The following LIPC variants were observed in gnomAD, a reference collection of about 807,000 sequenced individuals.
The protein encoded by LIPC is lipase C, hepatic type, also known as hepatic triacylglycerol lipase.
A neutral mutation model predicts 50.7 loss-of-function variants in LIPC; 44 were observed. The observed-to-expected ratio is 0.87, with a 90% confidence interval of 0.68 to 1.11. LIPC has a LOEUF of 1.11. Among genes scored for constraint, LIPC ranks in the 50% most tolerant of loss-of-function variants. The probability of loss-of-function intolerance (pLI) is 0.00; values close to 1 mark genes in which losing one functional copy is unlikely to be tolerated. For synonymous variants in LIPC, 271 were observed against 256.4 expected (o/e 1.06, Z -0.54); for missense variants, 697 against 648.2 (o/e 1.08, Z -0.82).
chr15:58,490,307 T>C (rs998281194), intron 1 of LIPC, among the ~76,000 whole-genome samples: 1 of 152,152 alleles, frequency 6.6e-6, no homozygotes, highest in Non-Finnish European at 1.5e-5. Context: ...GTCACCTCCA[T>C]AAGGACAGCC....
intron 1 of LIPC, among the ~76,000 whole-genome samples, chr15:58,479,540 C>G (rs1439463025): frequency 1.3e-5 from 2 of 152,214 alleles, no homozygotes; most frequent in Non-Finnish European, 2.9e-5. Flanking sequence ...TAAAAATAAT[C>G]AACTGGATTC....
chr15:58,435,427 G>A (rs1277306941), intron 1 of LIPC: 2 of 152,056 alleles, frequency 1.3e-5, no homozygotes, highest in African/African-American at 2.4e-5. Context: ...CTGTACAACA[G>A]GGGGCTGCAC....
intron 1 of LIPC, among the ~76,000 whole-genome samples, chr15:58,502,805 T>A (rs1200394009): frequency 6.6e-6 from 1 of 152,082 alleles, no homozygotes. Flanking sequence ...AAAGAGCAAT[T>A]TTTAGGGCAC....
At chr15:58,512,128 CA>C (rs1892348767) in intron 1 of LIPC, among the ~76,000 whole-genome samples, 1 of 149,532 alleles carries the variant, frequency 6.7e-6, no homozygotes, top group Non-Finnish European at 1.5e-5. Context: ...GACGGAGTCT[CA>C]ATCTGTTGCC....
At chr15:58,538,557 C>G in intron 2 of LIPC, 40 bp downstream of exon 2, 1 of 1,593,838 alleles carries the variant, frequency 6.3e-7, no homozygotes, top group Non-Finnish European at 8.6e-7. Context: ...TCCGATTTCA[C>G]ATTTTCTTTT....
chr15:58,442,290 T>C (rs261339), intron 1 of LIPC, among the ~76,000 whole-genome samples: 111,224 of 152,038 alleles, frequency 0.73, 42,731 homozygotes, highest in Non-Finnish European at 0.88. Context: ...GAAGCAAAGT[T>C]CTATCCATTT....
chr15:58,468,694 G>A (rs1268016584), intron 1 of LIPC, among the ~76,000 whole-genome samples: 2 of 151,900 alleles, frequency 1.3e-5, no homozygotes, highest in East Asian at 3.9e-4. Context: ...ATCATCTAGG[G>A]AACTTATAAC....
At chr15:58,462,639 CAAA>C (rs1894393609) in intron 1 of LIPC, among the ~76,000 whole-genome samples, 1 of 152,168 alleles carries the variant, frequency 6.6e-6, no homozygotes, top group Admixed American at 6.5e-5. Flanking sequence ...TGAGAGGAAC[CAAA>C]GCCAGCACCT....
At chr15:58,543,551 G>T (rs1566945364) in intron 4 of LIPC, among the ~76,000 whole-genome samples, 2 of 152,064 alleles carry the variant, frequency 1.3e-5, no homozygotes, top group Non-Finnish European at 2.9e-5. Context: ...GACCCAGCAG[G>T]CTCAAACAAT....
intron 4 of LIPC, among the ~76,000 whole-genome samples, chr15:58,542,939 G>T (rs1416444342): frequency 1.3e-5 from 2 of 152,226 alleles, no homozygotes; most frequent in Non-Finnish European, 2.9e-5. Flanking sequence ...TAGCAAGAAA[G>T]AGTCTTATTT....
chr15:58,562,784 C>T (rs1189114777), intron 7 of LIPC, among the ~76,000 whole-genome samples: 1 of 149,956 alleles, frequency 6.7e-6, no homozygotes, highest in Non-Finnish European at 1.5e-5. Context: ...TCGGGAAGAG[C>T]TATGCCAAGC....
chr15:58,478,472 C>G (rs1434355275), intron 1 of LIPC, among the ~76,000 whole-genome samples: 5 of 152,120 alleles, frequency 3.3e-5, no homozygotes, highest in Non-Finnish European at 7.3e-5. Flanking sequence ...CTCCTGACCT[C>G]AAGTGATCCA....
chr15:58,557,402 T>TTTTG lies in LIPC; in HGVS notation c.1052-3462_1052-3461insTTTG, dbSNP rs796425195. 3.4e-4 allele frequency among the ~76,000 whole-genome samples: 49 copies of TTTTG among 142,370 alleles called. 2 individuals carry two copies. The highest frequency in any genetic ancestry group is 1.2e-3 in the African/African-American group (43 of 37,060). 93.4% of individuals were successfully genotyped at this position (142,370 alleles called of 152,430 possible). A position where few individuals can be genotyped will look rare whatever the true frequency, so the allele number is the denominator to read the frequency against. On this transcript the variant is annotated intron_variant, in intron 6 of 8. Coordinates refer to ENST00000299022, the MANE Select transcript of LIPC (RefSeq NM_000236.3). ...CTCTTTTTTTTTTTTTTTTTTTTTT[T>TTTTG]GAGATGTAGTCTTGCTCTGTCACCC...
chr15:58,494,922 GTCCC>G, intron 1 of LIPC: 1 of 455,014 alleles, frequency 2.2e-6, no homozygotes, highest in South Asian at 1.6e-5. Context: ...TATTAGTCCA[GTCCC>G]TCACTGGGCT....
At chr15:58,438,676 G>A (rs1331438516) in intron 1 of LIPC, among the ~76,000 whole-genome samples, 1 of 152,136 alleles carries the variant, frequency 6.6e-6, no homozygotes, top group Non-Finnish European at 1.5e-5. Context: ...AGCCCTGGAG[G>A]AGTCAGGGCG....
At position 58,548,440 on chromosome 15, in the gene LIPC, A is replaced by T; in HGVS notation, c.919A>T (p.Ser307Cys). 6.2e-7 allele frequency: 1 copy of T among 1,613,958 alleles called. No individual in the cohort carries two copies. The highest frequency in any genetic ancestry group is 8.5e-7 in the Non-Finnish European group (1 of 1,179,952). Residue 307 changes from serine to cysteine, a missense_variant, in exon 6 of 9, where the codon AGC becomes TGC. Ser to Cys is a moderately radical substitution (Grantham distance 112). Coordinates refer to ENST00000299022, the MANE Select transcript of LIPC (RefSeq NM_000236.3). ...SMAYPCGDMN[S>C]FSQGLCLSCK... Reference sequence around the variant, plus strand: ...GGCCTACCCGTGTGGTGACATGAACAGCTTCAGCCAGGGCCTGTGCCTGAG... The same window carrying T: ...GGCCTACCCGTGTGGTGACATGAACTGCTTCAGCCAGGGCCTGTGCCTGAG...
chr15:58,457,801 T>G (rs1367428177), intron 1 of LIPC, among the ~76,000 whole-genome samples: 1 of 152,226 alleles, frequency 6.6e-6, no homozygotes, highest in Non-Finnish European at 1.5e-5. Flanking sequence ...GATTTCCATC[T>G]TGTACATAAA....
rs576269682 is a variant in LIPC, at chr15:58,562,570, C to T, written c.1170-935C>T. 3.3e-5 allele frequency among the ~76,000 whole-genome samples: 5 copies of T among 152,248 alleles called. No homozygotes were observed. In the East Asian group the frequency reaches 7.7e-4, roughly 24 times the overall value. On this transcript the variant is annotated intron_variant, in intron 7 of 8. Coordinates refer to ENST00000299022, the MANE Select transcript of LIPC (RefSeq NM_000236.3). ...CTCTCCCTGGAAAGTGACACTAGCC[C>T]CTCACCCACTCCAGAGATGATCCTG...
intron 1 of LIPC, among the ~76,000 whole-genome samples, chr15:58,459,535 C>A (rs562265734): frequency 3.9e-5 from 6 of 152,192 alleles, no homozygotes; most frequent in Admixed American, 3.9e-4. Flanking sequence ...AAGTCCCACC[C>A]GCTCCTGAAA....
Sources: allele counts gnomAD v4.1 joint callset (sites outside exome capture counted in the v4.1 genomes callset), GRCh38; gene constraint gnomAD v4.1.1; transcripts MANE v1.5; gene names NCBI Gene and HGNC (gene_info 2026-07-23, HGNC 2026-07-21).